AKAP8L: variants seen among roughly 807,000 people sequenced by gnomAD.
AKAP8L encodes the protein A-kinase anchor protein 8-like.
In AKAP8L, 34 loss-of-function variants were observed where a neutral mutation model predicts 77.5. That is an observed-to-expected ratio of 0.44 (90% CI 0.33 to 0.58). The LOEUF is 0.58. Ranked by LOEUF, AKAP8L falls within the 20% of genes least tolerant of loss-of-function variation. AKAP8L has a pLI of 0.02. For missense variants in AKAP8L, 806 were observed against 887.6 expected, an observed-to-expected ratio of 0.91 and a Z score of 1.17; for synonymous variants, 342 against 340.7, an observed-to-expected ratio of 1.00 and a Z score of -0.04.
intron 12 of AKAP8L, among the ~76,000 whole-genome samples, chr19:15,393,678 T>C (rs964664261): frequency 1.3e-5 from 2 of 151,964 alleles, no homozygotes; most frequent in Non-Finnish European, 2.9e-5. Context: ...CCCACCACTT[T>C]AGGAGGCCAA....
chr19:15,387,118 C>T (rs1255441633), intron 12 of AKAP8L, among the ~76,000 whole-genome samples: 2 of 152,206 alleles, frequency 1.3e-5, no homozygotes, highest in Admixed American at 6.5e-5. Context: ...TATAAGGGCT[C>T]ACATACCCAT....
At chr19:15,402,889 C>A (rs145130084) in intron 4 of AKAP8L, among the ~76,000 whole-genome samples, 1 of 152,212 alleles carries the variant, frequency 6.6e-6, no homozygotes, top group African/African-American at 2.4e-5. Context: ...GTACTTGCTG[C>A]GTGCCTTCAG....
chr19:15,413,374 G>C (rs1431879251), intron 1 of AKAP8L, among the ~76,000 whole-genome samples: 1 of 152,198 alleles, frequency 6.6e-6, no homozygotes, highest in African/African-American at 2.4e-5. Context: ...TCTTAAGCTA[G>C]AATTCCAAAA....
chr19:15,406,702 C>CA (rs1250270156), intron 2 of AKAP8L, among the ~76,000 whole-genome samples: 1 of 151,754 alleles, frequency 6.6e-6, no homozygotes, highest in Non-Finnish European at 1.5e-5. Flanking sequence ...CCTGGGGGCT[C>CA]AAGCCTCCCA....
In AKAP8L at chr19:15,398,637, G is replaced by T. The variant is rs1268572977; in HGVS notation, c.1157+665C>A. 1.0e-6 allele frequency: 1 copy of T among 986,494 alleles called. No individual in the cohort carries two copies. The highest frequency in any genetic ancestry group is 1.1e-4 in the East Asian group (1 of 8,804). The allele number at this position is 986,494 out of a possible 1,614,324, so 61.1% of individuals were successfully genotyped here. A position where few individuals can be genotyped will look rare whatever the true frequency, so the allele number is the denominator to read the frequency against. ...CTCGGGGCGGGTCCCTACCTCTGCC[G>T]GACGTCCTTATCTGGGCCACGGGGT... On this transcript the variant is annotated intron_variant, in intron 9 of 13. Coordinates refer to ENST00000397410, the MANE Select transcript of AKAP8L (RefSeq NM_014371.4). The surrounding 1 kb of genome is among the most constrained non-coding windows in gnomAD (Gnocchi z 9.2).
At chr19:15,409,195 G>A (rs1444154747) in intron 2 of AKAP8L, among the ~76,000 whole-genome samples, 1 of 152,164 alleles carries the variant, frequency 6.6e-6, no homozygotes, top group Non-Finnish European at 1.5e-5. Context: ...AAGACACACT[G>A]ACAAGAGAAT....
At chr19:15,386,057 C>T (rs1160973696) in intron 12 of AKAP8L, among the ~76,000 whole-genome samples, 1 of 151,964 alleles carries the variant, frequency 6.6e-6, no homozygotes, top group Non-Finnish European at 1.5e-5. Context: ...ACTACAGGCG[C>T]CCGTCACTAC....
intron 1 of AKAP8L, among the ~76,000 whole-genome samples, chr19:15,417,293 T>C (rs1187719734): frequency 6.6e-6 from 1 of 152,208 alleles, no homozygotes; most frequent in Non-Finnish European, 1.5e-5. Flanking sequence ...TTGGTGAGAA[T>C]TATATTCCAA....
At chr19:15,384,987 T>G (rs1411848778) in intron 12 of AKAP8L, among the ~76,000 whole-genome samples, 2 of 151,820 alleles carry the variant, frequency 1.3e-5, no homozygotes, top group South Asian at 4.2e-4. Context: ...TCTCTTTTTT[T>G]TTTTTTTTGA....
At chr19:15,386,990 T>C (rs1967552744) in intron 12 of AKAP8L, among the ~76,000 whole-genome samples, 1 of 152,190 alleles carries the variant, frequency 6.6e-6, no homozygotes, top group Non-Finnish European at 1.5e-5. Flanking sequence ...CGCCCCCAGC[T>C]ACCTGCTGAT....
rs1391090301 is a variant in AKAP8L at position 15,380,509 on chromosome 19, T to G, written c.1632+8A>C. The G allele has an allele frequency of 2.5e-6, 4 of 1,613,682 alleles. No individual in the cohort carries two copies. The highest frequency in any genetic ancestry group is 3.4e-6 in the Non-Finnish European group (4 of 1,179,880). ...TGGGGACAGGGCAGGCCCGGACCAGTGCCTCACCTTCAGGTAGCGCTCCAG... is the reference window on the plus strand; with the variant it reads ...TGGGGACAGGGCAGGCCCGGACCAGGGCCTCACCTTCAGGTAGCGCTCCAG... On this transcript the variant is annotated splice_region_variant and intron_variant, in intron 13 of 13. Coordinates refer to ENST00000397410, the MANE Select transcript of AKAP8L (RefSeq NM_014371.4).
Position 15,403,780 on chromosome 19 carries a change from A to G in AKAP8L, c.122-65T>C. 7.6e-7 allele frequency: 1 copy of G among 1,308,238 alleles called. No homozygotes were observed. Among genetic ancestry groups the G allele is most frequent in the Non-Finnish European group, 1.1e-6 (1 of 925,410 alleles). 81.0% of individuals were successfully genotyped at this position (1,308,238 alleles called of 1,614,324 possible). Reference sequence around the variant, plus strand: ...AGGCAGAGGGGAGGCAGACAGAGACAGAGACAAACACAGATACAAGGGTAT... The same window carrying G: ...AGGCAGAGGGGAGGCAGACAGAGACGGAGACAAACACAGATACAAGGGTAT... On this transcript the variant is annotated intron_variant, in intron 3 of 13. Transcript: ENST00000397410. The surrounding 1 kb of genome is among the most constrained non-coding windows in gnomAD (Gnocchi z 4.3).
In AKAP8L at chr19:15,399,352, C is replaced by T. The variant is rs1967842638; in HGVS notation, c.1107G>A (p.Lys369=). The T allele has an allele frequency of 6.2e-7, 1 of 1,613,934 alleles. No homozygotes were observed. The highest frequency in any genetic ancestry group is 1.3e-5 in the African/African-American group (1 of 75,056). The change falls in exon 9 of 14, where the codon AAG becomes AAA. Residue 369 remains lysine (K), a synonymous_variant. Coordinates refer to ENST00000397410, the MANE Select transcript of AKAP8L (RefSeq NM_014371.4). The surrounding 1 kb of genome is among the most constrained non-coding windows in gnomAD (Gnocchi z 6.1). ...GQTKRKLQAG[K]KSQDKQKKRQ... ...GCTTTTTCTGCTTGTCCTGACTCTT[C>T]TTGCCTGCCTGCAACTTGCGCTTGG...
rs1178306258 is a variant in AKAP8L, at chr19:15,380,283, C to T, written c.1780G>A (p.Glu594Lys). The change falls in exon 14 of 14, where the codon GAG (glutamate) becomes AAG (lysine). Residue 594 changes from glutamate to lysine, a missense_variant. Coordinates refer to ENST00000397410, the MANE Select transcript of AKAP8L (RefSeq NM_014371.4). ...GVPAQPPVPPEPAPGAVSPPP... is the reference protein window; with the variant it reads ...GVPAQPPVPPKPAPGAVSPPP... ...GGCGACACGGCCCCGGGGGCTGGCT[C>T]TGGGGGCACGGGAGGCTGCGCCGGC... 2.1e-5 allele frequency: 32 copies of T among 1,526,018 alleles called. No homozygotes were observed. The highest frequency in any genetic ancestry group is 2.7e-5 in the Non-Finnish European group (31 of 1,143,518). The allele number at this position is 1,526,018 out of a possible 1,614,324, so 94.5% of individuals were successfully genotyped here.
intron 1 of AKAP8L, among the ~76,000 whole-genome samples, chr19:15,418,032 C>A (rs1017467477): frequency 2.0e-5 from 3 of 152,320 alleles, no homozygotes; most frequent in Admixed American, 6.5e-5. Flanking sequence ...CAGTTCCTGC[C>A]CGTAAGCCTT....
intron 1 of AKAP8L, among the ~76,000 whole-genome samples, chr19:15,412,698 T>C (rs902464379): frequency 6.6e-6 from 1 of 152,152 alleles, no homozygotes; most frequent in South Asian, 2.1e-4. Context: ...CGTGCCACCA[T>C]GTCCGGCTGA....
At chr19:15,392,743 A>C (rs1430507336) in intron 12 of AKAP8L, among the ~76,000 whole-genome samples, 1 of 151,486 alleles carries the variant, frequency 6.6e-6, no homozygotes, top group Non-Finnish European at 1.5e-5. Flanking sequence ...AAAAATACAA[A>C]AAATTAGCTG....
chr19:15,404,728 C>A (rs1438474195), intron 2 of AKAP8L, among the ~76,000 whole-genome samples: 1 of 152,206 alleles, frequency 6.6e-6, no homozygotes, highest in Non-Finnish European at 1.5e-5. Context: ...ACAGTTGTTT[C>A]CCATTCCATG....
chr19:15,409,686 C>T (rs1228026792), intron 2 of AKAP8L, among the ~76,000 whole-genome samples: 1 of 152,224 alleles, frequency 6.6e-6, no homozygotes, highest in African/African-American at 2.4e-5. Context: ...CGGGCTGCCA[C>T]AGCACACAAA....
Sources: gnomAD v4.1 joint callset for allele counts (sites outside exome capture counted in the v4.1 genomes callset) on GRCh38, gnomAD v4.1.1 for gene constraint, Gnocchi (gnomAD v3.1) non-coding constraint, MANE v1.5 for transcripts, NCBI Gene and HGNC (gene_info 2026-07-23, HGNC 2026-07-21) for gene names.